The following ARHGEF18 variants were observed in gnomAD, a reference collection of about 807,000 sequenced individuals.
ARHGEF18 encodes rho guanine nucleotide exchange factor 18.
In ARHGEF18, 93 loss-of-function variants were observed where a neutral mutation model predicts 155.7. That is an observed-to-expected ratio of 0.60 (90% CI 0.50 to 0.71). The LOEUF is 0.71. Ranked by LOEUF, ARHGEF18 falls within the 30% of genes least tolerant of loss-of-function variation. The probability of loss-of-function intolerance (pLI) is 0.00; values close to 1 mark genes in which losing one functional copy is unlikely to be tolerated. For synonymous variants in ARHGEF18, 742 were observed against 753.1 expected, an observed-to-expected ratio of 0.99 and a Z score of 0.24; for missense variants, 1,593 against 1,816.1, an observed-to-expected ratio of 0.88 and a Z score of 2.23.
intron 10 of ARHGEF18, among the ~76,000 whole-genome samples, chr19:7,428,094 G>A (rs943534799): frequency 2.0e-5 from 3 of 152,182 alleles, no homozygotes; most frequent in Admixed American, 6.6e-5. Flanking sequence ...AAACCAGAAA[G>A]TAGCTCAACA....
intron 10 of ARHGEF18, among the ~76,000 whole-genome samples, chr19:7,409,483 A>C (rs1304342120): frequency 2.1e-5 from 3 of 146,314 alleles, no homozygotes; most frequent in African/African-American, 7.6e-5. Context: ...GCTGGAGTGC[A>C]GTGGTACAAT....
At chr19:7,452,460 T>G (rs909601988) in intron 16 of ARHGEF18, among the ~76,000 whole-genome samples, 3 of 151,710 alleles carry the variant, frequency 2.0e-5, no homozygotes, top group African/African-American at 7.2e-5. Context: ...TCTAATTTAT[T>G]TATTTATTTA....
At chr19:7,396,046 C>G (rs1215329156) in intron 10 of ARHGEF18, among the ~76,000 whole-genome samples, 1 of 152,048 alleles carries the variant, frequency 6.6e-6, no homozygotes, top group African/African-American at 2.4e-5. Flanking sequence ...TTCTTGGTGT[C>G]CATGAGTACC....
chr19:7,400,799 C>T (rs969870752), intron 10 of ARHGEF18, among the ~76,000 whole-genome samples: 2 of 152,138 alleles, frequency 1.3e-5, no homozygotes, highest in African/African-American at 4.8e-5. Context: ...TACACCACTG[C>T]ACTCTAGCCT....
chr19:7,407,858 AG>A (rs1972415153), intron 10 of ARHGEF18, among the ~76,000 whole-genome samples: 1 of 146,068 alleles, frequency 6.8e-6, no homozygotes, highest in African/African-American at 2.5e-5. Flanking sequence ...GCTACTCGGG[AG>A]GCTGAGGCAG....
rs190006512 is a variant in ARHGEF18 at position 7,437,409 on chromosome 19, C to T, written c.968-2935C>T. On this transcript the variant is annotated intron_variant, in intron 10 of 28. Coordinates refer to ENST00000668164, the MANE Select transcript of ARHGEF18 (RefSeq NM_001367823.1). Reference sequence around the variant, plus strand: ...TGCACTCCAGCCTGGGCAACAAAAGCGGAAATCCGTCTCAAAAAAAAAAAA... The same window carrying T: ...TGCACTCCAGCCTGGGCAACAAAAGTGGAAATCCGTCTCAAAAAAAAAAAA... Among the ~76,000 whole-genome samples the T allele has an allele frequency of 3.8e-4, 51 of 135,990 alleles. No individual in the cohort carries two copies. The East Asian group carries it at 5.3e-3, about 14-fold the overall frequency. 89.2% of individuals were successfully genotyped at this position (135,990 alleles called of 152,430 possible).
Position 7,451,210 on chromosome 19 carries a change from C to T in ARHGEF18, c.1799C>T (p.Thr600Ile), listed in dbSNP as rs774782335. 6.3e-6 allele frequency: 10 copies of T among 1,598,664 alleles called. No individual in the cohort carries two copies. In the South Asian group the frequency reaches 1.1e-4, roughly 18 times the overall value. Residue 600 changes from threonine (T) to isoleucine (I), a missense_variant, in exon 16 of 29, where the codon ACA (threonine) becomes ATA (isoleucine). Transcript: ENST00000668164. ...LGVQECILLV[T>I]QRITKYPVLV... ...GTGCAGGAGTGCATTCTCCTGGTTACACAACGCATAACCAAATACCCAGTG... is the reference window on the plus strand; with the variant it reads ...GTGCAGGAGTGCATTCTCCTGGTTATACAACGCATAACCAAATACCCAGTG...
chr19:7,439,100 G>C (rs544242818), intron 10 of ARHGEF18, among the ~76,000 whole-genome samples: 52 of 151,070 alleles, frequency 3.4e-4, no homozygotes, highest in Admixed American at 1.3e-3. Context: ...GGCCAGGCTG[G>C]TCTTGAACTC....
intron 10 of ARHGEF18, among the ~76,000 whole-genome samples, chr19:7,430,369 T>A (rs1487285399): frequency 6.0e-5 from 1 of 16,596 alleles, no homozygotes; most frequent in Admixed American, 6.5e-4. Flanking sequence ...GCCTGGCTAA[T>A]TTTTTTTTTT....
intron 1 of ARHGEF18, among the ~76,000 whole-genome samples, chr19:7,361,641 C>T (rs1392399461): frequency 1.3e-5 from 2 of 152,118 alleles, no homozygotes; most frequent in Non-Finnish European, 2.9e-5. Context: ...ATCAACAGAT[C>T]AATGGATACA....
chr19:7,372,199 A>G (rs1970237143), intron 2 of ARHGEF18, among the ~76,000 whole-genome samples: 1 of 152,202 alleles, frequency 6.6e-6, no homozygotes, highest in Non-Finnish European at 1.5e-5. Context: ...TGTCCTGCAG[A>G]TCCTGACAGC....
At chr19:7,379,072 G>T in intron 6 of ARHGEF18, 50 bp from the exon 7 acceptor site, 1 of 1,230,014 alleles carries the variant, frequency 8.1e-7, no homozygotes. Context: ...GAGAGTGTCT[G>T]TAACCTGGAG....
chr19:7,478,982 G>C, the ARHGEF18 span, among the ~76,000 whole-genome samples: 2 of 152,248 alleles, frequency 1.3e-5, no homozygotes, highest in African/African-American at 4.8e-5. Context: ...ACCCGGGCCA[G>C]TCCACCAGGC....
chr19:7,463,758 G>A lies in ARHGEF18; in HGVS notation c.2636-60G>A, dbSNP rs1411698058. 4.3e-5 allele frequency: 65 copies of A among 1,519,242 alleles called. No homozygotes were observed. Among genetic ancestry groups the A allele is most frequent in the Middle Eastern group, 2.3e-4 (1 of 4,286 alleles). The allele number at this position is 1,519,242 out of a possible 1,614,324, so 94.1% of individuals were successfully genotyped here. A position where few individuals can be genotyped will look rare whatever the true frequency, so the allele number is the denominator to read the frequency against. On this transcript the variant is annotated intron_variant, in intron 21 of 28. Coordinates refer to ENST00000668164, the MANE Select transcript of ARHGEF18 (RefSeq NM_001367823.1). The surrounding 1 kb of genome is among the most constrained non-coding windows in gnomAD (Gnocchi z 5.2). ...CCGGGTCTCGCTGCCCCAGCGCTCCGTATTCCCCCAGCACACTTCCGCAGG... is the reference window on the plus strand; with the variant it reads ...CCGGGTCTCGCTGCCCCAGCGCTCCATATTCCCCCAGCACACTTCCGCAGG...
At chr19:7,381,691 TAATAAATA>T (rs57480401) in intron 8 of ARHGEF18, among the ~76,000 whole-genome samples, 205 of 146,158 alleles carry the variant, frequency 1.4e-3, no homozygotes, top group East Asian at 3.4e-3. Context: ...AATAAATAAA[TAATAAATA>T]AATAAATAAA....
chr19:7,457,279 C>T (rs1341926936), intron 18 of ARHGEF18, among the ~76,000 whole-genome samples: 1 of 151,414 alleles, frequency 6.6e-6, no homozygotes, highest in Admixed American at 6.6e-5. Context: ...TGCTAATCTC[C>T]TCTTGTTAGA....
intron 1 of ARHGEF18, among the ~76,000 whole-genome samples, chr19:7,357,921 C>T (rs774505627): frequency 4.6e-5 from 7 of 152,220 alleles, no homozygotes; most frequent in African/African-American, 1.4e-4. Context: ...CTGTGCCTCG[C>T]TCACCTTGGT....
At position 7,462,069 on chromosome 19, in the gene ARHGEF18, C is replaced by T. The variant is rs1976301364; in HGVS notation, c.2453-83C>T. On this transcript the variant is annotated intron_variant, in intron 20 of 28. Coordinates refer to ENST00000668164, the MANE Select transcript of ARHGEF18 (RefSeq NM_001367823.1). This position sits in a 1 kb window ranked among gnomAD's most constrained non-coding sequence, Gnocchi z 4.4. ...TCAGGGCAGGGCCAGCGGGGTTCCT[C>T]ATCCTTAGGCCAGTCCCCGGGGCTC... is the stretch of plus-strand genomic sequence containing the variant. 1.3e-6 allele frequency: 2 copies of T among 1,568,458 alleles called. No homozygotes were observed. The highest frequency in any genetic ancestry group is 1.7e-6 in the Non-Finnish European group (2 of 1,144,350).
intron 10 of ARHGEF18, among the ~76,000 whole-genome samples, chr19:7,398,704 A>AAAAGAAAG (rs1555708476): frequency 2.0e-5 from 3 of 147,076 alleles, no homozygotes; most frequent in African/African-American, 8.0e-5. Flanking sequence ...AAAAAAAAAA[A>AAAAGAAAG]AAATAAAGAA....
Sources: allele counts gnomAD v4.1 joint callset (sites outside exome capture counted in the v4.1 genomes callset), GRCh38; gene constraint gnomAD v4.1.1; non-coding constraint Gnocchi (gnomAD v3.1); transcripts MANE v1.5; gene names NCBI Gene and HGNC (gene_info 2026-07-23, HGNC 2026-07-21).